Variants in GORAB observed in about 807,000 individuals in gnomAD.
The protein encoded by GORAB is golgin, RAB6 interacting, also known as RAB6-interacting golgin.
A neutral mutation model predicts 29.9 loss-of-function variants in GORAB; 17 were observed. The observed-to-expected ratio is 0.57, with a 90% CI of 0.39 to 0.85. GORAB has a LOEUF of 0.85. GORAB is among the 40% of genes least tolerant of loss of function. The pLI is 0.00. For missense variants in GORAB, 442 were observed against 437.8 expected (o/e 1.01, Z -0.09); for synonymous variants, 183 against 157.2 (o/e 1.16, Z -1.23).
At chr1:170,532,870 C>T (rs758861617) in intron 1 of GORAB, among the ~76,000 whole-genome samples, 1 of 152,142 alleles carries the variant, frequency 6.6e-6, no homozygotes, top group East Asian at 1.9e-4. Context: ...GATGTGAAGA[C>T]TTTATATGTT....
At chr1:170,547,008 G>A (rs773391627) in intron 4 of GORAB, among the ~76,000 whole-genome samples, 15 of 152,142 alleles carry the variant, frequency 9.9e-5, no homozygotes, top group Non-Finnish European at 1.8e-4. Context: ...TTCAAAAGCC[G>A]AAGCTCTTGC....
chr1:170,545,014 G>A, intron 4 of GORAB, 169 bp downstream of exon 4: 1 of 1,356,022 alleles, frequency 7.4e-7, no homozygotes, highest in African/African-American at 1.5e-5. Context: ...CTTCAGTGAA[G>A]TCTTCCTTAA....
At chr1:170,544,954 C>T in intron 4 of GORAB, 109 bp downstream of exon 4, 1 of 1,504,942 alleles carries the variant, frequency 6.6e-7, no homozygotes. Flanking sequence ...CAAAACAACC[C>T]CATTCAGTGC....
intron 4 of GORAB, among the ~76,000 whole-genome samples, chr1:170,549,095 C>A (rs558397922): frequency 6.6e-6 from 1 of 152,122 alleles, no homozygotes; most frequent in East Asian, 1.9e-4. Context: ...CAGGGGATAC[C>A]AAAACAAAGA....
At chr1:170,535,070 T>C (rs931984927) in intron 1 of GORAB, among the ~76,000 whole-genome samples, 1 of 152,214 alleles carries the variant, frequency 6.6e-6, no homozygotes, top group Non-Finnish European at 1.5e-5. Context: ...GGTGCTGTCT[T>C]GTAGGAGTTT....
At chr1:170,545,752 G>A in intron 4 of GORAB, 1 of 985,028 alleles carries the variant, frequency 1.0e-6, no homozygotes, top group South Asian at 4.7e-5. Context: ...GGAAATGCTT[G>A]ATTGTGGTTT....
rs754286398 is a variant in GORAB at position 170,539,436 on chromosome 1, T to C, written c.288T>C (p.Gly96=). Residue 96 remains glycine, a synonymous_variant, in exon 2 of 5, where the codon GGT becomes GGC. Coordinates refer to ENST00000367763, the MANE Select transcript of GORAB (RefSeq NM_152281.3). ...PSHFTLTSPV[G]DGQPQGIESQ... is the part of the protein sequence containing the mutation. The stretch of plus-strand genomic sequence containing the variant: ...ATTTCACTCTCACCTCCCCCGTTGG[T>C]GATGGACAACCACAGGGCATTGAAA... The C allele has an allele frequency of 1.7e-5, 28 of 1,614,008 alleles. No individual in the cohort carries two copies. The highest frequency in any genetic ancestry group is 3.3e-4 in the Middle Eastern group (2 of 6,084).
chr1:170,544,045 G>T (rs61826201), intron 3 of GORAB, among the ~76,000 whole-genome samples: 47,242 of 151,942 alleles, frequency 0.31, 7,364 homozygotes, highest in South Asian at 0.35. Context: ...TTTTTTATTT[G>T]TTTGTTCCCT....
chr1:170,553,491 A>G lies in GORAB; in HGVS notation c.*1029A>G, dbSNP rs1372600395. The stretch of plus-strand genomic sequence containing the variant: ...TGATTTATTTATCAGAAATTCCAAA[A>G]AGTAAAAATATTACCTTTGAGGACT... On this transcript the variant is annotated 3_prime_UTR_variant, in exon 5 of 5. Transcript: ENST00000367763. 1 of 427,788 alleles carries G rather than the reference A, an allele frequency of 2.3e-6. No individual in the cohort carries two copies. The highest frequency in any genetic ancestry group is 4.5e-6 in the Non-Finnish European group (1 of 219,994). 26.5% of individuals were successfully genotyped at this position (427,788 alleles called of 1,614,324 possible). A position where few individuals can be genotyped will look rare whatever the true frequency, so the allele number is the denominator to read the frequency against.
Position 170,539,449 on chromosome 1 carries a change from C to G in GORAB, c.301C>G (p.Gln101Glu). The G allele has an allele frequency of 6.2e-7, 1 of 1,614,102 alleles. No individual in the cohort carries two copies. Among genetic ancestry groups the G allele is most frequent in the Non-Finnish European group, 8.5e-7 (1 of 1,179,990 alleles). ...LTSPVGDGQP[Q>E]GIESQPKELG... ...CTCCCCCGTTGGTGATGGACAACCA[C>G]AGGGCATTGAAAGTCAGCCAAAGGA... The change falls in exon 2 of 5, where the codon CAG (glutamine) becomes GAG (glutamate). Residue 101 changes from glutamine to glutamate, a missense_variant. Transcript: ENST00000367763.
chr1:170,547,854 C>T (rs186797457), intron 4 of GORAB, among the ~76,000 whole-genome samples: 51 of 152,076 alleles, frequency 3.4e-4, no homozygotes, highest in Admixed American at 1.7e-3. Context: ...AAATGATTAA[C>T]TCTATGATAA....
intron 4 of GORAB, chr1:170,545,347 C>T (rs1374217076): frequency 1.0e-6 from 1 of 961,444 alleles, no homozygotes; most frequent in African/African-American, 1.8e-5. Flanking sequence ...TAAGCATATC[C>T]TCTGTCTTGG....
At chr1:170,535,897 C>T (rs1237780541) in intron 1 of GORAB, among the ~76,000 whole-genome samples, 1 of 151,994 alleles carries the variant, frequency 6.6e-6, no homozygotes, top group Non-Finnish European at 1.5e-5. Context: ...TTTTTAATAG[C>T]CAACATTTCC....
At chr1:170,551,288 A>G (rs1479250460) in intron 4 of GORAB, among the ~76,000 whole-genome samples, 2 of 152,188 alleles carry the variant, frequency 1.3e-5, no homozygotes, top group Admixed American at 6.5e-5. Flanking sequence ...AAATAATTAT[A>G]TGGCCCAAAT....
At chr1:170,549,347 G>T (rs1456056273) in intron 4 of GORAB, among the ~76,000 whole-genome samples, 2 of 152,044 alleles carry the variant, frequency 1.3e-5, no homozygotes, top group Non-Finnish European at 2.9e-5. Flanking sequence ...TCACTCTGTG[G>T]GAGAATATAT....
At chr1:170,539,722 G>T in intron 2 of GORAB, 155 bp downstream of exon 2, 1 of 767,584 alleles carries the variant, frequency 1.3e-6, no homozygotes, top group Non-Finnish European at 2.0e-6. Flanking sequence ...TTGAAAAATA[G>T]CTACTGCCTA....
intron 2 of GORAB, among the ~76,000 whole-genome samples, chr1:170,540,405 A>AT (rs1649342030): frequency 6.7e-6 from 1 of 148,788 alleles, no homozygotes; most frequent in Non-Finnish European, 1.5e-5. Context: ...AAGGAATGAC[A>AT]TTTTTCTGTT....
intron 1 of GORAB, among the ~76,000 whole-genome samples, chr1:170,538,217 G>A (rs1649174445): frequency 6.6e-6 from 1 of 152,168 alleles, no homozygotes; most frequent in African/African-American, 2.4e-5. Flanking sequence ...ACTGAGCTGG[G>A]CAGAAGCAAA....
chr1:170,552,348 AGCTG>A lies in GORAB; in HGVS notation c.997_1000del (p.Ala333PhefsTer5). On this transcript the variant is annotated frameshift_variant, in exon 5 of 5. Transcript: ENST00000367763. LOFTEE classifies it low-confidence loss of function (END_TRUNC). ...AAGAGAACAGAAAGTGTCAAGAACAAGCTGTTTCCCCAAAGGTAGATGACCAGTG... is the reference window on the plus strand; with the variant it reads ...AAGAGAACAGAAAGTGTCAAGAACAATTTCCCCAAAGGTAGATGACCAGTG... 6.2e-7 allele frequency: 1 copy of A among 1,614,148 alleles called. No homozygotes were observed. Among genetic ancestry groups the A allele is most frequent in the Middle Eastern group, 1.6e-4 (1 of 6,062 alleles).
Sources: allele counts gnomAD v4.1 joint callset (sites outside exome capture counted in the v4.1 genomes callset), GRCh38; gene constraint gnomAD v4.1.1; transcripts MANE v1.5; gene names NCBI Gene and HGNC (gene_info 2026-07-23, HGNC 2026-07-21).